The following CLVS2 variants were observed in gnomAD, a reference collection of about 807,000 sequenced individuals.
CLVS2 encodes clavesin-2.
A neutral mutation model predicts 29.0 loss-of-function variants in CLVS2; 19 were observed. The observed-to-expected ratio is 0.66, with a 90% confidence interval of 0.46 to 0.96. The LOEUF is 0.96. Among genes scored for constraint, CLVS2 ranks in the 40% least tolerant of loss-of-function variants. The probability of loss-of-function intolerance (pLI) is 0.00; values close to 1 mark genes in which losing one functional copy is unlikely to be tolerated. For missense variants in CLVS2, 294 were observed against 404.1 expected (o/e 0.73, Z 2.34); for synonymous variants, 161 against 151.3 (o/e 1.06, Z -0.47).
chr6:123,040,954 A>G (rs1412963780), intron 3 of CLVS2, among the ~76,000 whole-genome samples: 1 of 152,172 alleles, frequency 6.6e-6, no homozygotes. Context: ...TAATGATAAG[A>G]CCATCACAAA....
At chr6:123,025,223 G>C (rs1774984207) in intron 3 of CLVS2, among the ~76,000 whole-genome samples, 1 of 152,058 alleles carries the variant, frequency 6.6e-6, no homozygotes, top group Non-Finnish European at 1.5e-5. Context: ...CGGGGACCTG[G>C]AAAGCCGTTA....
chr6:123,030,465 G>T (rs1173159919), intron 3 of CLVS2, among the ~76,000 whole-genome samples: 2 of 152,136 alleles, frequency 1.3e-5, no homozygotes, highest in South Asian at 2.1e-4. Flanking sequence ...CTGTTGTTCA[G>T]ACTCATGTGA....
chr6:123,069,205 G>C lies in CLVS2; in HGVS notation c.*5444G>C, dbSNP rs1044271788. On this transcript the variant is annotated 3_prime_UTR_variant, in exon 6 of 6. Transcript: ENST00000275162. ...TTTTAATTACATATAGCAAAGGAAT[G>C]ATCAGTAAATAAAATAACTAGGGTT... 4.0e-5 allele frequency: 6 copies of C among 151,690 alleles called. No homozygotes were observed. The highest frequency in any genetic ancestry group is 5.9e-5 in the Non-Finnish European group (4 of 67,802). 9.4% of individuals were successfully genotyped at this position (151,690 alleles called of 1,614,324 possible).
intron 2 of CLVS2, among the ~76,000 whole-genome samples, chr6:123,006,330 T>C (rs566647225): frequency 6.6e-6 from 1 of 152,212 alleles, no homozygotes; most frequent in Admixed American, 6.5e-5. Context: ...AGAAGTATGG[T>C]TATTAAGGGA....
intron 3 of CLVS2, among the ~76,000 whole-genome samples, chr6:123,040,770 A>AAAAGC (rs1388834897): frequency 1.6e-5 from 1 of 62,142 alleles, no homozygotes; most frequent in African/African-American, 8.3e-5. Flanking sequence ...TCCGTCTCAA[A>AAAAGC]AAAGAAAAGA....
chr6:123,032,430 G>A, intron 3 of CLVS2, among the ~76,000 whole-genome samples: 1 of 151,870 alleles, frequency 6.6e-6, no homozygotes, highest in Non-Finnish European at 1.5e-5. Flanking sequence ...AAGGCATTCT[G>A]GTAAAATATC....
At chr6:123,035,610 T>A (rs1359359067) in intron 3 of CLVS2, among the ~76,000 whole-genome samples, 1 of 152,204 alleles carries the variant, frequency 6.6e-6, no homozygotes, top group Non-Finnish European at 1.5e-5. Flanking sequence ...ACTTCCATGT[T>A]TGAAATGACT....
chr6:123,057,334 CTTTTTTTTTTTTTTTTTTTTTTTTT>C (rs71541220), intron 5 of CLVS2, among the ~76,000 whole-genome samples: 1 of 83,698 alleles, frequency 1.2e-5, no homozygotes, highest in Admixed American at 1.4e-4. Context: ...GGATGGTCTT[CTTTTTTTTTTTTTTTTTTTTTTTTT>C]TTTTTTGAGA....
chr6:123,030,937 A>G (rs932574372), intron 3 of CLVS2, among the ~76,000 whole-genome samples: 4 of 151,104 alleles, frequency 2.6e-5, no homozygotes, highest in Admixed American at 6.6e-5. Context: ...TCTCATATAC[A>G]TATATTCTTA....
chr6:123,065,403 C>T lies in CLVS2; in HGVS notation c.*1642C>T, dbSNP rs141334079. The T allele has an allele frequency of 6.9e-4, 104 of 151,762 alleles. No individual in the cohort carries two copies. The highest frequency in any genetic ancestry group is 2.4e-3 in the African/African-American group (100 of 41,466). 9.4% of individuals were successfully genotyped at this position (151,762 alleles called of 1,614,324 possible). On this transcript the variant is annotated 3_prime_UTR_variant, in exon 6 of 6. Coordinates refer to ENST00000275162, the MANE Select transcript of CLVS2 (RefSeq NM_001010852.4). The stretch of plus-strand genomic sequence containing the variant: ...CCAAAATTTGTTATAATTCTGCAGC[C>T]AAAAATTGTAAAAGCAAGCTGAATA...
intron 5 of CLVS2, among the ~76,000 whole-genome samples, chr6:123,061,820 A>T (rs1772783724): frequency 6.6e-6 from 1 of 152,110 alleles, no homozygotes. Flanking sequence ...CAGTCTGAAG[A>T]GCTTTGGTAT....
intron 2 of CLVS2, among the ~76,000 whole-genome samples, chr6:123,008,967 C>A (rs186399805): frequency 1.8e-4 from 27 of 152,022 alleles, no homozygotes; most frequent in African/African-American, 6.5e-4. Context: ...TTGACTTTTG[C>A]CTTTTATAAT....
chr6:123,014,250 A>G (rs982237523), intron 3 of CLVS2, among the ~76,000 whole-genome samples: 7 of 152,096 alleles, frequency 4.6e-5, no homozygotes, highest in Non-Finnish European at 1.0e-4. Context: ...GACTTCTACA[A>G]TGGTTGAACT....
intron 2 of CLVS2, among the ~76,000 whole-genome samples, chr6:123,010,469 T>C (rs1039555761): frequency 6.6e-6 from 1 of 152,064 alleles, no homozygotes; most frequent in Non-Finnish European, 1.5e-5. Context: ...TTTATCTCCT[T>C]CTCTTTCTAT....
intron 3 of CLVS2, among the ~76,000 whole-genome samples, chr6:123,023,529 C>A (rs148575300): frequency 2.0e-4 from 31 of 152,124 alleles, no homozygotes; most frequent in African/African-American, 7.0e-4. Flanking sequence ...ACAAAACATT[C>A]TTAAGTTATA....
chr6:123,063,056 G>T (rs1174762798), intron 5 of CLVS2, among the ~76,000 whole-genome samples: 1 of 152,162 alleles, frequency 6.6e-6, no homozygotes, highest in African/African-American at 2.4e-5. Flanking sequence ...ACAAGAGGGG[G>T]TTTTACTTTT....
At chr6:123,027,040 G>A (rs561325554) in intron 3 of CLVS2, among the ~76,000 whole-genome samples, 3 of 152,212 alleles carry the variant, frequency 2.0e-5, no homozygotes, top group South Asian at 2.1e-4. Flanking sequence ...GTACAGAGGC[G>A]AAAATGCATA....
At chr6:123,043,781 G>C (rs1775268032) in intron 3 of CLVS2, among the ~76,000 whole-genome samples, 1 of 152,066 alleles carries the variant, frequency 6.6e-6, no homozygotes, top group South Asian at 2.1e-4. Flanking sequence ...TCATAAATCA[G>C]ACAATATTAC....
In CLVS2 at chr6:123,069,058, TTGTA is replaced by T. The variant is rs1562178874; in HGVS notation, c.*5301_*5304del. On this transcript the variant is annotated 3_prime_UTR_variant, in exon 6 of 6. Transcript: ENST00000275162. Reference sequence around the variant, plus strand: ...TTAAGATTCCTCAAGTTTGTGATATTTGTATGTGTGGGGATCAAAGAGGAAAATA... The same window carrying T: ...TTAAGATTCCTCAAGTTTGTGATATTTGTGTGGGGATCAAAGAGGAAAATA... 1 of 151,704 alleles carries T rather than the reference TTGTA, an allele frequency of 6.6e-6. No homozygotes were observed. Among genetic ancestry groups the T allele is most frequent in the African/African-American group, 2.4e-5 (1 of 41,380 alleles). The allele number at this position is 151,704 out of a possible 1,614,324, so 9.4% of individuals were successfully genotyped here.
Sources: allele counts gnomAD v4.1 joint callset (sites outside exome capture counted in the v4.1 genomes callset), GRCh38; gene constraint gnomAD v4.1.1; transcripts MANE v1.5; gene names NCBI Gene and HGNC (gene_info 2026-07-23, HGNC 2026-07-21).